Variants in LDLRAD4 observed in about 807,000 individuals in gnomAD.
LDLRAD4 encodes the protein low density lipoprotein receptor class A domain containing 4.
In LDLRAD4, 5 loss-of-function variants were observed where a neutral mutation model predicts 17.0. That is an observed-to-expected ratio of 0.29 (90% confidence interval 0.15 to 0.62). LDLRAD4 has a LOEUF of 0.62. Ranked by LOEUF, LDLRAD4 falls within the 20% of genes least tolerant of loss-of-function variation. LDLRAD4 has a pLI of 0.84. For missense variants in LDLRAD4, 340 were observed against 424.7 expected (o/e 0.80, Z 1.75); for synonymous variants, 168 against 171.8 (o/e 0.98, Z 0.17).
intron 1 of LDLRAD4, among the ~76,000 whole-genome samples, chr18:13,260,731 C>T (rs551642883): frequency 3.9e-5 from 6 of 152,292 alleles, no homozygotes; most frequent in South Asian, 2.1e-4. Context: ...TATCTTCTCT[C>T]GCATAGACAT....
chr18:13,409,585 A>G lies in LDLRAD4; in HGVS notation c.40+21823A>G, dbSNP rs569526126. ...CTGTATCTTATTTAGTTTCTAGAAC[A>G]TATGCCAATTTTGTATTATATCTGA... On this transcript the variant is annotated intron_variant, in intron 2 of 5. Transcript: ENST00000359446. Among the ~76,000 whole-genome samples the G allele has an allele frequency of 2.0e-5, 3 of 152,366 alleles. No individual in the cohort carries two copies. The South Asian group carries it at 6.2e-4, about 32-fold the overall frequency.
rs11663785 is a variant in LDLRAD4 at position 13,367,217 on chromosome 18, G to C, written c.-382-20124G>C. Among the ~76,000 whole-genome samples, 32,585 of 152,146 alleles carry C rather than the reference G, an allele frequency of 0.21. 4,347 individuals carry two copies. Among genetic ancestry groups the C allele is most frequent in the Middle Eastern group, 0.29 (86 of 294 alleles). On this transcript the variant is annotated intron_variant, in intron 1 of 5. Transcript: ENST00000359446. The surrounding 1 kb of genome is among the most constrained non-coding windows in gnomAD (Gnocchi z 4.1). ...CCCCACTCCGTTACAACCAGTGGAG[G>C]TGGAACTTGGAATCTTTGAAATAAA...
At chr18:13,501,941 A>G (rs560699890) in intron 3 of LDLRAD4, among the ~76,000 whole-genome samples, 45 of 152,360 alleles carry the variant, frequency 3.0e-4, no homozygotes, top group Non-Finnish European at 4.7e-4. Context: ...ATCACACTTA[A>G]AATGCTTTTA....
At chr18:13,344,073 G>A in intron 1 of LDLRAD4, among the ~76,000 whole-genome samples, 1 of 152,142 alleles carries the variant, frequency 6.6e-6, no homozygotes, top group East Asian at 1.9e-4. Flanking sequence ...CTGTGCAGAA[G>A]CTCTTTAGTT....
At chr18:13,589,140 G>C (rs909274295) in intron 3 of LDLRAD4, among the ~76,000 whole-genome samples, 1 of 151,914 alleles carries the variant, frequency 6.6e-6, no homozygotes, top group African/African-American at 2.4e-5. Flanking sequence ...TGCTGTGTTG[G>C]CCAGGCTGGT....
At position 13,401,429 on chromosome 18, in the gene LDLRAD4, C is replaced by T. The variant is rs143011212; in HGVS notation, c.40+13667C>T. 2.9e-3 allele frequency among the ~76,000 whole-genome samples: 432 copies of T among 150,498 alleles called. 3 individuals carry two copies. The highest frequency in any genetic ancestry group is 4.4e-3 in the Admixed American group (67 of 15,102). On this transcript the variant is annotated intron_variant, in intron 2 of 5. Coordinates refer to ENST00000359446, the Ensembl canonical transcript of LDLRAD4. The stretch of plus-strand genomic sequence containing the variant: ...ACTGAGTTTCACCACAGTAGAAGGG[C>T]TTTATATTTAGGGTTACTGCACTTT...
At chr18:13,327,318 G>A (rs1221754400) in intron 1 of LDLRAD4, among the ~76,000 whole-genome samples, 2 of 152,104 alleles carry the variant, frequency 1.3e-5, no homozygotes, top group Non-Finnish European at 2.9e-5. Flanking sequence ...TTTAATTGAT[G>A]ATGAGTGTAT....
intron 1 of LDLRAD4, among the ~76,000 whole-genome samples, chr18:13,307,085 G>A (rs1329301186): frequency 6.6e-6 from 1 of 152,234 alleles, no homozygotes; most frequent in Non-Finnish European, 1.5e-5. Context: ...ATCCGTCTAT[G>A]AAGTGGGCAC....
rs28377293 is a variant in LDLRAD4, at chr18:13,253,095, C to T, written c.-466-25010C>T. ...AAGTGCCAGTGATATTCTGCAGATA[C>T]AAATGTGTGATCACATTGCCTGGGC... is the stretch of plus-strand genomic sequence containing the variant. On this transcript the variant is annotated intron_variant, in intron 1 of 5. Transcript: ENST00000399848. Among the ~76,000 whole-genome samples, 638 of 152,308 alleles carry T rather than the reference C, an allele frequency of 4.2e-3. 5 individuals carry two copies. Among genetic ancestry groups the T allele is most frequent in the African/African-American group, 0.014 (577 of 41,562 alleles).
chr18:13,533,269 C>T (rs1190463180), intron 3 of LDLRAD4, among the ~76,000 whole-genome samples: 1 of 152,166 alleles, frequency 6.6e-6, no homozygotes, highest in Admixed American at 6.5e-5. Flanking sequence ...CTTGAAACCC[C>T]AGTCACTTTG....
chr18:13,384,324 G>A (rs1599828731), intron 1 of LDLRAD4, among the ~76,000 whole-genome samples: 1 of 152,176 alleles, frequency 6.6e-6, no homozygotes, highest in Non-Finnish European at 1.5e-5. Context: ...GGGGTACAAT[G>A]TAATGTTTTG....
chr18:13,441,095 C>T (rs572371607), intron 3 of LDLRAD4, among the ~76,000 whole-genome samples: 1 of 152,336 alleles, frequency 6.6e-6, no homozygotes, highest in Admixed American at 6.5e-5. Flanking sequence ...CTGTCTTCTG[C>T]TGCAGCTCAC....
At chr18:13,507,575 TTAGG>T (rs2093714674) in intron 3 of LDLRAD4, among the ~76,000 whole-genome samples, 1 of 152,208 alleles carries the variant, frequency 6.6e-6, no homozygotes, top group South Asian at 2.1e-4. Context: ...CAGTGAGCAC[TTAGG>T]TTGGCTCCAT....
chr18:13,611,576 G>A lies in LDLRAD4; in HGVS notation c.182-9541G>A, dbSNP rs543460291. ...CTTGAACAAAATGAACCAGGAGAAA[G>A]CGCCCTCCTGAGACATGTCTCTGCT... On this transcript the variant is annotated intron_variant, in intron 3 of 5. Transcript: ENST00000359446. The A allele has an allele frequency of 1.7e-5, 17 of 985,400 alleles. No homozygotes were observed. In the East Asian group the frequency reaches 1.8e-3, roughly 105 times the overall value. The allele number at this position is 985,400 out of a possible 1,614,324, so 61.0% of individuals were successfully genotyped here. A position where few individuals can be genotyped will look rare whatever the true frequency, so the allele number is the denominator to read the frequency against.
chr18:13,493,690 A>G (rs1648609), intron 3 of LDLRAD4, among the ~76,000 whole-genome samples: 136,875 of 152,270 alleles, frequency 0.9, 61,711 homozygotes, highest in East Asian at 0.99. Flanking sequence ...GCAAGGAACC[A>G]AGAGGGGTGG....
chr18:13,231,133 G>A (rs2145503796), intron 1 of LDLRAD4, among the ~76,000 whole-genome samples: 1 of 152,300 alleles, frequency 6.6e-6, no homozygotes, highest in East Asian at 1.9e-4. Flanking sequence ...CATGGAATGC[G>A]CGCCACGGGC....
At chr18:13,597,863 G>T (rs2095114302) in intron 3 of LDLRAD4, among the ~76,000 whole-genome samples, 1 of 151,704 alleles carries the variant, frequency 6.6e-6, no homozygotes, top group African/African-American at 2.4e-5. Flanking sequence ...ATTCCATTTG[G>T]TTTTTTCACA....
At chr18:13,567,049 CA>C (rs1161590000) in intron 3 of LDLRAD4, among the ~76,000 whole-genome samples, 1 of 152,178 alleles carries the variant, frequency 6.6e-6, no homozygotes, top group Non-Finnish European at 1.5e-5. Context: ...GCGCCTGGCC[CA>C]GGGGGGAAGC....
chr18:13,373,726 T>C (rs1014768506), intron 1 of LDLRAD4, among the ~76,000 whole-genome samples: 2 of 152,252 alleles, frequency 1.3e-5, no homozygotes, highest in African/African-American at 4.8e-5. Context: ...CCTGGCAGTT[T>C]ATGTGGTATT....
Sources: allele counts gnomAD v4.1 joint callset (sites outside exome capture counted in the v4.1 genomes callset), GRCh38; gene constraint gnomAD v4.1.1; non-coding constraint Gnocchi (gnomAD v3.1); transcripts MANE v1.5; gene names NCBI Gene and HGNC (gene_info 2026-07-23, HGNC 2026-07-21).